Variants in URI1 observed in about 807,000 individuals in gnomAD.
URI1 encodes the protein URI1 prefoldin like chaperone.
URI1 carries 39 observed loss-of-function variants against 60.2 expected under a neutral mutation model. The ratio of observed to expected loss-of-function variants is 0.65; its 90% confidence interval spans 0.50 to 0.85. The LOEUF is 0.85. Ranked by LOEUF, URI1 falls within the 40% of genes least tolerant of loss-of-function variation. The pLI is 0.00. For synonymous variants in URI1, 251 were observed against 236.8 expected (o/e 1.06, Z -0.55); for missense variants, 691 against 665.9 (o/e 1.04, Z -0.42).
chr19:29,965,636 G>A (rs2055382828), intron 1 of URI1, among the ~76,000 whole-genome samples: 1 of 152,178 alleles, frequency 6.6e-6, no homozygotes, highest in Non-Finnish European at 1.5e-5. Context: ...AGAGTTCCTG[G>A]ATCTCTAGTT....
At chr19:29,986,185 A>G in intron 3 of URI1, 97 bp from the exon 4 acceptor site, 1 of 1,212,296 alleles carries the variant, frequency 8.2e-7, no homozygotes, top group East Asian at 2.9e-5. Flanking sequence ...AAATAAAAAA[A>G]TTCAGTTATG....
At chr19:29,981,233 G>C (rs1254053104) in intron 2 of URI1, among the ~76,000 whole-genome samples, 1 of 151,896 alleles carries the variant, frequency 6.6e-6, no homozygotes, top group Non-Finnish European at 1.5e-5. Context: ...AGTGAATCTT[G>C]ATCACCTATC....
Position 30,009,000 on chromosome 19 carries a change from G to A in URI1, c.687-5G>A, listed in dbSNP as rs1477128289. On this transcript the variant is annotated splice_polypyrimidine_tract_variant and splice_region_variant and intron_variant, in intron 7 of 10. Coordinates refer to ENST00000392271, the MANE Select transcript of URI1 (RefSeq NM_003796.3). The stretch of plus-strand genomic sequence containing the variant: ...TTTGATCTTGTTAATTTTCTTCCTT[G>A]CTAGTAAGCCTGATACTGTGATTGC... 8 of 1,572,068 alleles carry A rather than the reference G, an allele frequency of 5.1e-6. No individual in the cohort carries two copies. In the Admixed American group the frequency reaches 5.4e-5, roughly 11 times the overall value.
intron 1 of URI1, among the ~76,000 whole-genome samples, chr19:29,948,600 C>G (rs540956572): frequency 9.9e-5 from 15 of 152,212 alleles, no homozygotes; most frequent in Non-Finnish European, 1.9e-4. Flanking sequence ...TTGCACCACC[C>G]TTAATCCATT....
intron 1 of URI1, among the ~76,000 whole-genome samples, chr19:29,925,207 C>T (rs560911323): frequency 3.3e-5 from 5 of 152,358 alleles, no homozygotes; most frequent in South Asian, 2.1e-4. Context: ...CTACAAGGCC[C>T]GCACATGAAG....
At chr19:29,935,188 T>C (rs1450739354) in intron 1 of URI1, among the ~76,000 whole-genome samples, 1 of 152,208 alleles carries the variant, frequency 6.6e-6, no homozygotes, top group Non-Finnish European at 1.5e-5. Context: ...TTTTTAGTTA[T>C]TTTCTTAGCG....
At chr19:29,984,339 G>T (rs1051901546) in intron 2 of URI1, among the ~76,000 whole-genome samples, 1 of 152,134 alleles carries the variant, frequency 6.6e-6, no homozygotes, top group African/African-American at 2.4e-5. Context: ...TAAGGCAGGG[G>T]AATCACTTGA....
At chr19:29,931,139 C>G (rs1260161965) in intron 1 of URI1, among the ~76,000 whole-genome samples, 1 of 152,050 alleles carries the variant, frequency 6.6e-6, no homozygotes, top group African/African-American at 2.4e-5. Flanking sequence ...AATTTTAGGA[C>G]CAGTTTGCCT....
chr19:29,996,582 G>A (rs1024208527), intron 4 of URI1, among the ~76,000 whole-genome samples: 2 of 151,938 alleles, frequency 1.3e-5, no homozygotes, highest in Admixed American at 1.3e-4. Context: ...TTTCCAATTT[G>A]GAGGCTTTTT....
At chr19:29,947,247 T>C (rs1417831989) in intron 1 of URI1, among the ~76,000 whole-genome samples, 2 of 152,246 alleles carry the variant, frequency 1.3e-5, no homozygotes, top group African/African-American at 4.8e-5. Context: ...CCATTTGTCA[T>C]GCATATGTGA....
intron 1 of URI1, among the ~76,000 whole-genome samples, chr19:29,928,852 G>T (rs1350789246): frequency 1.3e-5 from 2 of 152,148 alleles, no homozygotes; most frequent in Non-Finnish European, 2.9e-5. Flanking sequence ...TAAGTGTGAA[G>T]CCAGGTCAAG....
intron 3 of URI1, 50 bp downstream of exon 3, chr19:29,985,351 A>AT: frequency 6.8e-7 from 1 of 1,471,108 alleles, no homozygotes; most frequent in East Asian, 2.3e-5. Context: ...TTGTAAACAT[A>AT]TTAACTATGT....
intron 1 of URI1, chr19:29,925,986 A>C (rs1031044809): frequency 6.6e-6 from 1 of 152,304 alleles, no homozygotes; most frequent in African/African-American, 2.4e-5. Flanking sequence ...GGTTACCAGG[A>C]CTGGGGGGAG....
At chr19:30,010,891 A>G (rs2056008758) in intron 8 of URI1, among the ~76,000 whole-genome samples, 1 of 152,212 alleles carries the variant, frequency 6.6e-6, no homozygotes, top group South Asian at 2.1e-4. Flanking sequence ...TTTGTTAATA[A>G]AGAAGATTTT....
intron 1 of URI1, among the ~76,000 whole-genome samples, chr19:29,930,870 T>C (rs1753730371): frequency 1.3e-5 from 2 of 151,664 alleles, no homozygotes; most frequent in South Asian, 2.1e-4. Flanking sequence ...TCTTTTTTTT[T>C]TTTTTTTCTG....
intron 1 of URI1, among the ~76,000 whole-genome samples, chr19:29,961,052 G>A (rs1166051729): frequency 6.6e-6 from 1 of 151,690 alleles, no homozygotes; most frequent in Non-Finnish European, 1.5e-5. Flanking sequence ...GTATAGACAG[G>A]GACTCACTAT....
Position 29,949,277 on chromosome 19 carries a change from G to A in URI1, c.117+6613G>A, listed in dbSNP as rs540830145. On this transcript the variant is annotated intron_variant, in intron 1 of 10. Transcript: ENST00000392271. ...CGCTCCTCATCTCCCAGACGGGGTC[G>A]TGGCCGGGCAGAGGCGCTCCCCACA... is the stretch of plus-strand genomic sequence containing the variant. Among the ~76,000 whole-genome samples the A allele has an allele frequency of 2.9e-3, 446 of 151,796 alleles. 2 individuals carry two copies. The highest frequency in any genetic ancestry group is 9.9e-3 in the African/African-American group (409 of 41,416).
intron 1 of URI1, among the ~76,000 whole-genome samples, chr19:29,947,812 C>T (rs1485835647): frequency 6.6e-6 from 1 of 152,082 alleles, no homozygotes; most frequent in African/African-American, 2.4e-5. Flanking sequence ...ACAATTGTTT[C>T]CTTCATGGTT....
intron 4 of URI1, among the ~76,000 whole-genome samples, chr19:30,003,318 C>G (rs1179176182): frequency 6.6e-6 from 1 of 151,884 alleles, no homozygotes; most frequent in African/African-American, 2.4e-5. Flanking sequence ...TTTTGTTGCT[C>G]TAGGACATAG....
Sources: allele counts gnomAD v4.1 joint callset (sites outside exome capture counted in the v4.1 genomes callset), GRCh38; gene constraint gnomAD v4.1.1; transcripts MANE v1.5; gene names NCBI Gene and HGNC (gene_info 2026-07-23, HGNC 2026-07-21).